Variants in SAMD4A observed in about 807,000 individuals in gnomAD.
SAMD4A encodes sterile alpha motif domain containing 4A, also known as protein Smaug homolog 1.
Under a neutral mutation model 81.3 loss-of-function variants are expected in SAMD4A, and 33 were observed. The ratio of observed to expected loss-of-function variants is 0.41; its 90% confidence interval spans 0.31 to 0.54. The LOEUF is 0.54. Ranked by LOEUF, SAMD4A falls within the 20% of genes least tolerant of loss-of-function variation. The probability of loss-of-function intolerance (pLI) is 0.37; values close to 1 mark genes in which losing one functional copy is unlikely to be tolerated. For synonymous variants in SAMD4A, 389 were observed against 382.1 expected, an observed-to-expected ratio of 1.02 and a Z score of -0.21; for missense variants, 854 against 951.1, an observed-to-expected ratio of 0.90 and a Z score of 1.34.
chr14:54,663,947 T>TA (rs1279982351), intron 2 of SAMD4A, among the ~76,000 whole-genome samples: 3 of 152,230 alleles, frequency 2.0e-5, no homozygotes, highest in African/African-American at 7.2e-5. Flanking sequence ...CAGTTGTACT[T>TA]ATTCTAAGAC....
At chr14:54,612,596 T>A (rs1363107023) in intron 2 of SAMD4A, among the ~76,000 whole-genome samples, 2 of 152,194 alleles carry the variant, frequency 1.3e-5, no homozygotes, top group Non-Finnish European at 2.9e-5. Context: ...AAATGACTTA[T>A]TTCCATGTTC....
chr14:54,570,070 A>G (rs191250551), intron 2 of SAMD4A, among the ~76,000 whole-genome samples: 7 of 152,348 alleles, frequency 4.6e-5, no homozygotes, highest in African/African-American at 1.7e-4. Context: ...TAAATGATGT[A>G]GATATACAAA....
intron 7 of SAMD4A, among the ~76,000 whole-genome samples, chr14:54,761,049 T>C (rs1017130313): frequency 2.0e-5 from 3 of 152,188 alleles, no homozygotes; most frequent in East Asian, 3.8e-4. Flanking sequence ...ACTGTTTTGT[T>C]CTCATTCTCC....
rs543670360 is a variant in SAMD4A at position 54,574,975 on chromosome 14, TAGAA to T, written c.196+6865_196+6868del. ...GGACCATACTTTGAGGGTAGACTGT[TAGAA>T]ATGAAAGGTGCAGAAATGAAAGAGA... is the stretch of plus-strand genomic sequence containing the variant. On this transcript the variant is annotated intron_variant, in intron 2 of 12. Transcript: ENST00000554335. Among the ~76,000 whole-genome samples, 350 of 152,260 alleles carry T rather than the reference TAGAA, an allele frequency of 2.3e-3. 5 individuals carry two copies. The highest frequency in any genetic ancestry group is 9.3e-3 in the East Asian group (48 of 5,178).
chr14:54,610,843 T>A (rs1205703176), intron 2 of SAMD4A, among the ~76,000 whole-genome samples: 1 of 152,146 alleles, frequency 6.6e-6, no homozygotes, highest in East Asian at 1.9e-4. Flanking sequence ...CATAGCCAGA[T>A]GGAAAAAGAG....
chr14:54,738,620 G>A (rs544500231), intron 4 of SAMD4A, among the ~76,000 whole-genome samples: 148 of 152,188 alleles, frequency 9.7e-4, no homozygotes, highest in Non-Finnish European at 1.5e-3. Flanking sequence ...GTTTTCAGGG[G>A]ACTGTATCAC....
intron 6 of SAMD4A, among the ~76,000 whole-genome samples, chr14:54,753,931 A>G (rs2139831293): frequency 6.6e-6 from 1 of 152,340 alleles, no homozygotes; most frequent in African/African-American, 2.4e-5. Context: ...TTGGGGGAAC[A>G]TTCAAAAGGC....
chr14:54,698,531 C>T (rs952860559), intron 2 of SAMD4A, among the ~76,000 whole-genome samples: 1 of 152,174 alleles, frequency 6.6e-6, no homozygotes, highest in African/African-American at 2.4e-5. Flanking sequence ...ACCTCATAAG[C>T]TTCTTGGGAG....
At chr14:54,651,578 C>T (rs937610845) in intron 2 of SAMD4A, among the ~76,000 whole-genome samples, 1 of 152,172 alleles carries the variant, frequency 6.6e-6, no homozygotes, top group African/African-American at 2.4e-5. Flanking sequence ...TAATTCATTT[C>T]AAGAACTTAC....
At chr14:54,598,869 G>A (rs1016485080) in intron 2 of SAMD4A, among the ~76,000 whole-genome samples, 49 of 151,832 alleles carry the variant, frequency 3.2e-4, no homozygotes, top group African/African-American at 1.0e-3. Context: ...CGCCCAGGCT[G>A]GAGTACAGTG....
intron 2 of SAMD4A, among the ~76,000 whole-genome samples, chr14:54,634,243 G>A (rs2034974884): frequency 7.2e-6 from 1 of 138,494 alleles, no homozygotes; most frequent in African/African-American, 2.7e-5. Flanking sequence ...CCCAGATCAT[G>A]CCGCTGCACT....
chr14:54,569,692 C>T (rs970368501), intron 2 of SAMD4A, among the ~76,000 whole-genome samples: 62 of 152,164 alleles, frequency 4.1e-4, no homozygotes, highest in African/African-American at 1.5e-3. Context: ...GTTTTACTTT[C>T]TCAGGTTTGA....
intron 6 of SAMD4A, 83 bp downstream of exon 6, chr14:54,751,620 A>G (rs1461005969): frequency 6.7e-6 from 6 of 892,278 alleles, no homozygotes; most frequent in South Asian, 1.4e-5. Flanking sequence ...AGTGTCATCG[A>G]CAGACCTTCT....
chr14:54,657,267 A>G (rs1390925396), intron 2 of SAMD4A, among the ~76,000 whole-genome samples: 1 of 152,212 alleles, frequency 6.6e-6, no homozygotes, highest in East Asian at 1.9e-4. Context: ...ATAATGAGAA[A>G]TTTAAAATGA....
chr14:54,686,430 T>G (rs950139601), intron 2 of SAMD4A, among the ~76,000 whole-genome samples: 5 of 152,200 alleles, frequency 3.3e-5, no homozygotes, highest in Non-Finnish European at 7.3e-5. Flanking sequence ...AACAGTGAAT[T>G]CAGGGAGATT....
intron 2 of SAMD4A, among the ~76,000 whole-genome samples, chr14:54,626,084 A>G (rs1957888): frequency 0.21 from 31,084 of 148,040 alleles, 3,614 homozygotes; most frequent in Middle Eastern, 0.29. Context: ...GCGAGTGCGC[A>G]CATGTGCATG....
At chr14:54,697,959 C>T (rs189388931) in intron 2 of SAMD4A, among the ~76,000 whole-genome samples, 1 of 152,284 alleles carries the variant, frequency 6.6e-6, no homozygotes, top group African/African-American at 2.4e-5. Flanking sequence ...AGCTGGCTTT[C>T]CCCAGAGTGA....
chr14:54,759,728 A>G (rs2038340524), intron 6 of SAMD4A, among the ~76,000 whole-genome samples: 1 of 152,202 alleles, frequency 6.6e-6, no homozygotes, highest in Non-Finnish European at 1.5e-5. Flanking sequence ...TGCGTGTGCC[A>G]TGGACTGAGT....
chr14:54,742,940 A>G (rs1208022658), intron 4 of SAMD4A, among the ~76,000 whole-genome samples: 1 of 152,208 alleles, frequency 6.6e-6, no homozygotes, highest in Non-Finnish European at 1.5e-5. Context: ...TTCTCTCTGT[A>G]GTAAAGGAAA....
Sources: gnomAD v4.1 joint callset for allele counts (sites outside exome capture counted in the v4.1 genomes callset) on GRCh38, gnomAD v4.1.1 for gene constraint, MANE v1.5 for transcripts, NCBI Gene and HGNC (gene_info 2026-07-23, HGNC 2026-07-21) for gene names.